Variants in BAG6 observed in about 807,000 individuals in gnomAD.
BAG6 encodes large proline-rich protein BAG6.
In BAG6, 22 loss-of-function variants were observed where a neutral mutation model predicts 121.0. That is an observed-to-expected ratio of 0.18 (90% CI 0.13 to 0.26). BAG6 has a LOEUF of 0.26. Ranked by LOEUF, BAG6 falls within the 10% of genes least tolerant of loss-of-function variation. The pLI is 1.00. For synonymous variants in BAG6, 583 were observed against 584.6 expected, an observed-to-expected ratio of 1.00 and a Z score of 0.04; for missense variants, 1,233 against 1,537.7, an observed-to-expected ratio of 0.80 and a Z score of 3.31.
chr6:31,647,706 G>T lies in BAG6; in HGVS notation c.673C>A (p.Arg225=), dbSNP rs370523727. 1 of 1,603,184 alleles carries T rather than the reference G, an allele frequency of 6.2e-7. No individual in the cohort carries two copies. The highest frequency in any genetic ancestry group is 8.5e-7 in the Non-Finnish European group (1 of 1,176,274). ...ACTTCTTCTGCCTCCATGGGCTCCCGGGGAGGTGCTTCACTTTCAACTGGT... is the reference window on the plus strand; with the variant it reads ...ACTTCTTCTGCCTCCATGGGCTCCCTGGGAGGTGCTTCACTTTCAACTGGT... ...SEPVESEAPP[R]EPMEAEEVEE... Residue 225 remains arginine (R), a synonymous_variant, in exon 7 of 26, where the codon CGG becomes AGG. Transcript: ENST00000676615.
intron 2 of BAG6, among the ~76,000 whole-genome samples, chr6:31,651,333 G>A (rs921978593): frequency 1.3e-5 from 2 of 152,220 alleles, no homozygotes; most frequent in Admixed American, 6.5e-5. Context: ...GAGGTAAGGA[G>A]TTCGAGACCA....
chr6:31,646,996 A>T (rs915559981), intron 7 of BAG6, among the ~76,000 whole-genome samples: 3 of 151,842 alleles, frequency 2.0e-5, no homozygotes, highest in Non-Finnish European at 4.4e-5. Context: ...GATAGTCTCG[A>T]TCTCTTGACC....
At position 31,647,654 on chromosome 6, in the gene BAG6, G is replaced by C; in HGVS notation, c.725C>G (p.Pro242Arg). The C allele has an allele frequency of 1.9e-6, 3 of 1,604,710 alleles. No homozygotes were observed. The highest frequency in any genetic ancestry group is 2.5e-6 in the Non-Finnish European group (3 of 1,176,952). ...EVEERAPAQN[P>R]ELTPGPAPAG... ...TGGGGCTGGGCCAGGAGTGAGCTCCGGGTTCTGGGCTGGGGCACGCTCCTC... is the reference window on the plus strand; with the variant it reads ...TGGGGCTGGGCCAGGAGTGAGCTCCCGGTTCTGGGCTGGGGCACGCTCCTC... Residue 242 changes from proline to arginine, a missense_variant, in exon 7 of 26, where the codon CCG becomes CGG. Pro to Arg is a moderately radical substitution (Grantham distance 103). This residue lies in a region of BAG6 where 777 missense variants were observed against 861.4 expected (regional missense o/e 0.90). Coordinates refer to ENST00000676615, the MANE Select transcript of BAG6 (RefSeq NM_001387994.1).
Position 31,642,161 on chromosome 6 carries a change from G to A in BAG6, c.2286C>T (p.Arg762=), listed in dbSNP as rs1455404324. ...SSESIAAFIQ[R]LSGSSNIFEP... ...CAAAGATGTTGCTGGATCCACTGAG[G>A]CGTTGTATGAAGGCAGCAATACTTT... The change falls in exon 16 of 26, where the codon CGC becomes CGT. Residue 762 remains arginine, a synonymous_variant. Coordinates refer to ENST00000676615, the MANE Select transcript of BAG6 (RefSeq NM_001387994.1). The A allele has an allele frequency of 6.2e-7, 1 of 1,612,798 alleles. No individual in the cohort carries two copies. The highest frequency in any genetic ancestry group is 2.2e-5 in the East Asian group (1 of 44,888).
At position 31,641,407 on chromosome 6, in the gene BAG6, G is replaced by C; in HGVS notation, c.2575C>G (p.Gln859Glu). 6.2e-7 allele frequency: 1 copy of C among 1,614,230 alleles called. No individual in the cohort carries two copies. The highest frequency in any genetic ancestry group is 8.5e-7 in the Non-Finnish European group (1 of 1,180,042). The change falls in exon 19 of 26, where the codon CAG becomes GAG. Residue 859 changes from glutamine (Q) to glutamate (E), a missense_variant. Transcript: ENST00000676615. The surrounding 1 kb of genome is among the most constrained non-coding windows in gnomAD (Gnocchi z 5.7). The part of the protein sequence containing the change: ...VRESFSLVQV[Q>E]PGVDIIRTNL... The stretch of plus-strand genomic sequence containing the variant: ...GTCCGGATGATGTCCACACCTGGCT[G>C]AACCTGCACCAAGGACTGAGAGACA...
At chr6:31,643,779 G>C in intron 14 of BAG6, 111 bp downstream of exon 14, 18 of 640,464 alleles carry the variant, frequency 2.8e-5, no homozygotes, top group East Asian at 1.1e-4. Flanking sequence ...CACTACAGCA[G>C]CCCCATTCCA....
Position 31,645,006 on chromosome 6 carries a change from C to CCCT in BAG6, c.1306_1308dup (p.Arg436dup), listed in dbSNP as rs1787461980. On this transcript the variant is annotated inframe_insertion, in exon 10 of 26. Coordinates refer to ENST00000676615, the MANE Select transcript of BAG6 (RefSeq NM_001387994.1). ...ACACTCTGGTGGGAAATCCGGATGA[C>CCCT]CCTCGGGTGGCTGGTGGCTGGCGGG... 6.2e-7 allele frequency: 1 copy of CCCT among 1,611,228 alleles called. No homozygotes were observed. The highest frequency in any genetic ancestry group is 8.5e-7 in the Non-Finnish European group (1 of 1,178,948).
At chr6:31,652,193 T>C (rs1797676429) in intron 1 of BAG6, 1 of 185,620 alleles carries the variant, frequency 5.4e-6, no homozygotes. Flanking sequence ...GCCACGCCCA[T>C]CGAACCCTCC....
intron 1 of BAG6, chr6:31,652,035 G>A (rs1355192099): frequency 2.2e-5 from 9 of 408,936 alleles, no homozygotes; most frequent in Non-Finnish European, 4.1e-5. Flanking sequence ...CAGGGAGCCA[G>A]TCAGATTAGG....
chr6:31,650,139 T>C (rs1249662652), intron 2 of BAG6, among the ~76,000 whole-genome samples: 1 of 151,538 alleles, frequency 6.6e-6, no homozygotes. Context: ...GCTCAGGTTA[T>C]AGATCCAGGA....
intron 25 of BAG6, 119 bp from the exon 26 acceptor site, chr6:31,639,345 G>A: frequency 7.0e-7 from 1 of 1,436,356 alleles, no homozygotes; most frequent in South Asian, 1.2e-5. Flanking sequence ...CTGTCAAATA[G>A]CCCGGGGTGG....
Position 31,642,819 on chromosome 6 carries a change from A to T in BAG6, c.2043+10T>A. The T allele has an allele frequency of 6.2e-7, 1 of 1,610,242 alleles. No homozygotes were observed. The highest frequency in any genetic ancestry group is 8.5e-7 in the Non-Finnish European group (1 of 1,178,322). On this transcript the variant is annotated intron_variant, in intron 15 of 25. Transcript: ENST00000676615. Reference sequence around the variant, plus strand: ...AGGAAGATGAGGTGAATGGCAAGCCAGCCACTCACCTGCAAGAAGTCAGTC... The same window carrying T: ...AGGAAGATGAGGTGAATGGCAAGCCTGCCACTCACCTGCAAGAAGTCAGTC...
intron 24 of BAG6, 168 bp from the exon 25 acceptor site, chr6:31,639,814 A>C: frequency 1.1e-6 from 1 of 885,002 alleles, no homozygotes; most frequent in Non-Finnish European, 1.7e-6. Context: ...TGCCTTCCTA[A>C]TTCTCTTTGG....
intron 7 of BAG6, 115 bp from the exon 8 acceptor site, chr6:31,646,638 A>C: frequency 7.4e-7 from 1 of 1,350,778 alleles, no homozygotes; most frequent in Non-Finnish European, 9.9e-7. Context: ...CCCTGGCCCA[A>C]TCCTTCTCTG....
Position 31,641,016 on chromosome 6 carries a change from G to GT in BAG6, c.2788-79dup, listed in dbSNP as rs1447692447. The GT allele has an allele frequency of 6.3e-7, 1 of 1,598,480 alleles. No homozygotes were observed. The highest frequency in any genetic ancestry group is 1.3e-5 in the African/African-American group (1 of 74,090). ...ATAGATTAGATCCAGGTTACAGAAT[G>GT]TCAGTTTAGAAAAGAAAAATGAAAA... On this transcript the variant is annotated intron_variant, in intron 20 of 25. Transcript: ENST00000676615. The surrounding 1 kb of genome is among the most constrained non-coding windows in gnomAD (Gnocchi z 5.7).
At chr6:31,639,805 G>T in intron 24 of BAG6, 159 bp from the exon 25 acceptor site, 1 of 916,650 alleles carries the variant, frequency 1.1e-6, no homozygotes, top group Non-Finnish European at 1.6e-6. Flanking sequence ...CAGCAGAAAT[G>T]CCTTCCTAAT....
rs1219860228 is a variant in BAG6, at chr6:31,645,395, C to T, written c.1116+12G>A. ...CCTCACTCTCCCTCAGGCCAGACTC[C>T]CCCTAACCCACCTGTATGGGAATGG... On this transcript the variant is annotated intron_variant, in intron 9 of 25. Coordinates refer to ENST00000676615, the MANE Select transcript of BAG6 (RefSeq NM_001387994.1). 1 of 1,613,086 alleles carries T rather than the reference C, an allele frequency of 6.2e-7. No homozygotes were observed.
At chr6:31,642,747 G>A in intron 15 of BAG6, 82 bp downstream of exon 15, 1 of 1,513,232 alleles carries the variant, frequency 6.6e-7, no homozygotes, top group Non-Finnish European at 9.0e-7. Context: ...TTACCCAGTG[G>A]TTATATAATG....
chr6:31,652,515 T>C lies in BAG6; in HGVS notation c.-105A>G, dbSNP rs1399416780. On this transcript the variant is annotated 5_prime_UTR_variant, in exon 1 of 26. Transcript: ENST00000676615. ...CCCCCCAGGTCCCCAAGCTTTACTTTTGTGGGGCACGACGAGAAAGTCCGC... is the reference window on the plus strand; with the variant it reads ...CCCCCCAGGTCCCCAAGCTTTACTTCTGTGGGGCACGACGAGAAAGTCCGC... 1 of 152,266 alleles carries C rather than the reference T, an allele frequency of 6.6e-6. No homozygotes were observed. The highest frequency in any genetic ancestry group is 2.4e-5 in the African/African-American group (1 of 41,424). The allele number at this position is 152,266 out of a possible 1,614,324, so 9.4% of individuals were successfully genotyped here.
Sources: gnomAD v4.1 joint callset for allele counts (sites outside exome capture counted in the v4.1 genomes callset) on GRCh38, gnomAD v4.1.1 for gene constraint, gnomAD v4.1.1 regional missense constraint, Gnocchi (gnomAD v3.1) non-coding constraint, MANE v1.5 for transcripts, NCBI Gene and HGNC (gene_info 2026-07-23, HGNC 2026-07-21) for gene names.